The following LRRC63 variants were observed in gnomAD, a reference collection of about 807,000 sequenced individuals.
The protein encoded by LRRC63 is leucine-rich repeat-containing protein 63.
A neutral mutation model predicts 49.5 loss-of-function variants in LRRC63; 40 were observed. The ratio of observed to expected loss-of-function variants is 0.81; its 90% CI spans 0.63 to 1.05. The LOEUF is 1.05. Among genes scored for constraint, LRRC63 ranks in the 50% least tolerant of loss-of-function variants. The pLI, the probability that LRRC63 is intolerant of heterozygous loss-of-function variation, is 0.00. For missense variants in LRRC63, 636 were observed against 663.1 expected, an observed-to-expected ratio of 0.96 and a Z score of 0.45; for synonymous variants, 191 against 221.1, an observed-to-expected ratio of 0.86 and a Z score of 1.21.
intron 9 of LRRC63, chr13:46,270,261 CAATT>C (rs1380057493): frequency 4.4e-5 from 39 of 893,198 alleles, no homozygotes; most frequent in Middle Eastern, 2.2e-4. Flanking sequence ...AGTGGAAAAA[CAATT>C]AAAAGCATTC....
At chr13:46,249,396 A>T (rs1033913600) in intron 6 of LRRC63, among the ~76,000 whole-genome samples, 2 of 151,866 alleles carry the variant, frequency 1.3e-5, no homozygotes, top group Non-Finnish European at 2.9e-5. Flanking sequence ...TTAACAAGAG[A>T]AAAAGACAGA....
At chr13:46,274,555 T>C (rs1396299019) in intron 9 of LRRC63, among the ~76,000 whole-genome samples, 2 of 152,228 alleles carry the variant, frequency 1.3e-5, no homozygotes, top group Non-Finnish European at 2.9e-5. Flanking sequence ...CAACTTATCA[T>C]TGCTGTCTGC....
chr13:46,233,841 G>A (rs2046831188), intron 4 of LRRC63, among the ~76,000 whole-genome samples: 1 of 152,196 alleles, frequency 6.6e-6, no homozygotes, highest in South Asian at 2.1e-4. Context: ...TATGAGCCAA[G>A]AAGTTCTTTA....
chr13:46,261,736 A>G (rs1033560555), intron 7 of LRRC63, among the ~76,000 whole-genome samples, 173 bp from the exon 8 acceptor site: 2 of 152,182 alleles, frequency 1.3e-5, no homozygotes, highest in Non-Finnish European at 2.9e-5. Context: ...TAGATGAGTA[A>G]TTCTTAGGAA....
intron 2 of LRRC63, among the ~76,000 whole-genome samples, chr13:46,223,499 T>A (rs77240853): frequency 1.3e-5 from 2 of 150,622 alleles, no homozygotes; most frequent in Admixed American, 6.6e-5. Flanking sequence ...TTTTTTTTTT[T>A]AATTTCAGCA....
In LRRC63 at chr13:46,245,289, A is replaced by G. The variant is rs142350126; in HGVS notation, c.991-1238A>G. Reference sequence around the variant, plus strand: ...CTTAATATATCTTGATCAAGAATTGATATGTGCAGTCAAAAACAATTCAAT... The same window carrying G: ...CTTAATATATCTTGATCAAGAATTGGTATGTGCAGTCAAAAACAATTCAAT... On this transcript the variant is annotated intron_variant, in intron 5 of 9. Coordinates refer to ENST00000595396, the Ensembl canonical transcript of LRRC63. Among the ~76,000 whole-genome samples the G allele has an allele frequency of 2.0e-5, 3 of 152,332 alleles. No individual in the cohort carries two copies. The East Asian group carries it at 5.8e-4, about 29-fold the overall frequency.
At position 46,273,458 on chromosome 13, in the gene LRRC63, G is replaced by A. The variant is rs368572248; in HGVS notation, c.1551-3132G>A. ...TCTACTAAAAATACAAAAAATTAGC[G>A]GGGCGTGCTGGCGGGCACCTGTAGT... On this transcript the variant is annotated intron_variant, in intron 9 of 9. Coordinates refer to ENST00000595396, the Ensembl canonical transcript of LRRC63. Among the ~76,000 whole-genome samples the A allele has an allele frequency of 1.4e-4, 21 of 151,704 alleles. No individual in the cohort carries two copies. The South Asian group carries it at 3.8e-3, about 27-fold the overall frequency.
At chr13:46,250,409 G>C (rs1262340258) in exon 7 of LRRC63, 10 of 1,527,558 alleles carry the variant, frequency 6.5e-6, no homozygotes. Flanking sequence ...TCCTATCAAA[G>C]AAATTCCTTC....
intron 9 of LRRC63, among the ~76,000 whole-genome samples, chr13:46,273,534 T>C (rs1414734355): frequency 6.9e-6 from 1 of 143,974 alleles, no homozygotes; most frequent in Non-Finnish European, 1.5e-5. Flanking sequence ...CCCAGGAGCC[T>C]GAGGTTGCAG....
chr13:46,213,044 C>G, exon 2 of LRRC63: 1 of 1,547,372 alleles, frequency 6.5e-7, no homozygotes, highest in Middle Eastern at 1.7e-4. Flanking sequence ...AATGCAAAAG[C>G]CCCCACTGCT....
intron 5 of LRRC63, among the ~76,000 whole-genome samples, chr13:46,245,625 T>C (rs1016198554): frequency 2.0e-5 from 3 of 152,050 alleles, no homozygotes; most frequent in African/African-American, 7.2e-5. Flanking sequence ...AACAACACAC[T>C]AATTAAAAAA....
intron 7 of LRRC63, among the ~76,000 whole-genome samples, chr13:46,255,623 A>G (rs2138549815): frequency 2.3e-5 from 3 of 129,954 alleles, no homozygotes; most frequent in South Asian, 5.3e-4. Flanking sequence ...AGCTTTGGGC[A>G]ACAGAGTAAG....
chr13:46,233,568 C>T (rs2046823777), intron 4 of LRRC63, among the ~76,000 whole-genome samples: 1 of 152,118 alleles, frequency 6.6e-6, no homozygotes, highest in Non-Finnish European at 1.5e-5. Context: ...AAAATACTTT[C>T]CTGCCACATT....
intron 7 of LRRC63, among the ~76,000 whole-genome samples, chr13:46,257,789 A>T (rs537525859): frequency 2.0e-5 from 3 of 152,198 alleles, no homozygotes; most frequent in African/African-American, 7.2e-5. Context: ...TTTTTTCTAG[A>T]TATTATCTAA....
At chr13:46,264,923 G>A (rs1010631536) in intron 8 of LRRC63, among the ~76,000 whole-genome samples, 1 of 152,136 alleles carries the variant, frequency 6.6e-6, no homozygotes, top group African/African-American at 2.4e-5. Flanking sequence ...TTGGGAGGCC[G>A]AGGAGGGTGT....
At chr13:46,260,239 AG>A (rs959829650) in intron 7 of LRRC63, among the ~76,000 whole-genome samples, 2 of 152,258 alleles carry the variant, frequency 1.3e-5, no homozygotes, top group African/African-American at 4.8e-5. Flanking sequence ...GAATGACTCC[AG>A]AAACTGCCTG....
intron 2 of LRRC63, among the ~76,000 whole-genome samples, chr13:46,213,485 C>T (rs748428066): frequency 6.6e-5 from 10 of 152,270 alleles, no homozygotes; most frequent in African/African-American, 1.7e-4. Flanking sequence ...ATATTGTAAA[C>T]GGGTACTGTT....
At chr13:46,272,950 G>C (rs953232914) in intron 9 of LRRC63, among the ~76,000 whole-genome samples, 1 of 152,178 alleles carries the variant, frequency 6.6e-6, no homozygotes, top group East Asian at 1.9e-4. Context: ...AAGAGCTTTA[G>C]TTATTCTAGG....
At chr13:46,232,252 G>A (rs1165362790) in intron 4 of LRRC63, among the ~76,000 whole-genome samples, 1 of 152,126 alleles carries the variant, frequency 6.6e-6, no homozygotes, top group Non-Finnish European at 1.5e-5. Flanking sequence ...ATTTCAACAT[G>A]AGATTTAAAG....
Sources: gnomAD v4.1 joint callset for allele counts (sites outside exome capture counted in the v4.1 genomes callset) on GRCh38, gnomAD v4.1.1 for gene constraint, MANE v1.5 for transcripts, NCBI Gene and HGNC (gene_info 2026-07-23, HGNC 2026-07-21) for gene names.